CTC1: variants seen among roughly 807,000 people sequenced by gnomAD.
The protein encoded by CTC1 is CST complex subunit CTC1.
Under a neutral mutation model 136.3 loss-of-function variants are expected in CTC1, and 91 were observed. The observed-to-expected ratio is 0.67, with a 90% confidence interval of 0.56 to 0.79. The LOEUF (loss-of-function observed/expected upper bound fraction) is 0.79. CTC1 is among the 30% of genes least tolerant of loss of function. The pLI is 0.00. For synonymous variants in CTC1, 606 were observed against 613.8 expected (o/e 0.99, Z 0.19); for missense variants, 1,432 against 1,498.1 (o/e 0.96, Z 0.73).
chr17:8,237,517 T>C lies in CTC1; in HGVS notation c.650A>G (p.Asn217Ser). 1 of 1,613,758 alleles carries C rather than the reference T, an allele frequency of 6.2e-7. No homozygotes were observed. Among genetic ancestry groups the C allele is most frequent in the Non-Finnish European group, 8.5e-7 (1 of 1,179,906 alleles). ...ESASCLLRLR[N>S]KLRGVQRNLA... ...GTTTCGCTGCACACCTCTGAGCTTGTTTCTAAGAAGGAAGAAAAAGCCCTG... is the reference window on the plus strand; with the variant it reads ...GTTTCGCTGCACACCTCTGAGCTTGCTTCTAAGAAGGAAGAAAAAGCCCTG... Residue 217 changes from asparagine (N) to serine (S), a missense_variant and splice_region_variant, in exon 5 of 23, where the codon AAC becomes AGC. Physicochemically the swap from Asn to Ser is conservative, Grantham distance 46. Transcript: ENST00000651323.
At chr17:8,243,773 T>C (rs537195963) in intron 1 of CTC1, among the ~76,000 whole-genome samples, 3 of 151,972 alleles carry the variant, frequency 2.0e-5, no homozygotes, top group Non-Finnish European at 4.4e-5. Context: ...TTTAAACCGT[T>C]CATAAAGAAC....
In CTC1 at chr17:8,234,851, T is replaced by C. The variant is rs759341353; in HGVS notation, c.1515A>G (p.Gln505=). The C allele has an allele frequency of 5.6e-6, 9 of 1,612,774 alleles. No individual in the cohort carries two copies. Among genetic ancestry groups the C allele is most frequent in the Non-Finnish European group, 5.1e-6 (6 of 1,179,552 alleles). ...GAAGATCCAGGGTAGGAGCCAGGAGTTGCAGTCCCAGGCTGGGGCTCCCAG... is the reference window on the plus strand; with the variant it reads ...GAAGATCCAGGGTAGGAGCCAGGAGCTGCAGTCCCAGGCTGGGGCTCCCAG... The part of the protein sequence containing the change: ...SSPGSPSLGL[Q]LLAPTLDLLA... The change falls in exon 9 of 23, where the codon CAA becomes CAG. Residue 505 remains glutamine (Q), a synonymous_variant. Coordinates refer to ENST00000651323, the MANE Select transcript of CTC1 (RefSeq NM_025099.6).
intron 1 of CTC1, among the ~76,000 whole-genome samples, chr17:8,244,696 T>C (rs952316704): frequency 1.2e-4 from 18 of 152,106 alleles, no homozygotes; most frequent in African/African-American, 4.3e-4. Context: ...CAGCTAATTT[T>C]TTATATTTTT....
In CTC1 at chr17:8,232,995, C is replaced by A. The variant is rs1987375790; in HGVS notation, c.1856G>T (p.Gly619Val). ...ACTTTGGTCCCGAAGTTGCAGACAA[C>A]CTTTATGAGATGAAGCCACCAGAAC... ...LGVLVASSHK[G>V]CLQLRDQSGS... Residue 619 changes from glycine to valine, a missense_variant, in exon 11 of 23, where the codon GGT (glycine) becomes GTT (valine). Coordinates refer to ENST00000651323, the MANE Select transcript of CTC1 (RefSeq NM_025099.6). 1 of 1,614,102 alleles carries A rather than the reference C, an allele frequency of 6.2e-7. No homozygotes were observed.
At chr17:8,233,903 C>T (rs931724193) in intron 10 of CTC1, among the ~76,000 whole-genome samples, 3 of 152,222 alleles carry the variant, frequency 2.0e-5, no homozygotes, top group African/African-American at 7.2e-5. Flanking sequence ...CGCCAATGCA[C>T]TCTAGCCTGG....
intron 18 of CTC1, 55 bp from the exon 19 acceptor site, chr17:8,229,501 G>A: frequency 5.9e-6 from 9 of 1,532,682 alleles, no homozygotes; most frequent in South Asian, 1.2e-5. Context: ...ACAGGCAAAG[G>A]GGTTCTGAAA....
Position 8,228,758 on chromosome 17 carries a change from A to T in CTC1, c.3356T>A (p.Leu1119Ter), listed in dbSNP as rs1986947163. 6.2e-7 allele frequency: 1 copy of T among 1,614,010 alleles called. No individual in the cohort carries two copies. Residue 1119 changes from leucine (L) to a stop codon, truncating the protein, a stop_gained, in exon 21 of 23, where the codon TTG (leucine) becomes TAG (stop). Transcript: ENST00000651323. LOFTEE classifies it high-confidence loss of function. ...TTGGGCTCCAGGCCCTGCAAACTGC[A>T]AGACCACTCTGCCTGGCACTTGGAC... ...DFVQVPGRVV[L>*]QFAGPGAQLE...
chr17:8,243,385 G>A (rs1454946369), intron 1 of CTC1, among the ~76,000 whole-genome samples: 1 of 152,072 alleles, frequency 6.6e-6, no homozygotes, highest in African/African-American at 2.4e-5. Context: ...TGGGGGTGGT[G>A]GTGCACACCT....
At chr17:8,246,479 T>C (rs1252415995) in intron 1 of CTC1, among the ~76,000 whole-genome samples, 1 of 152,210 alleles carries the variant, frequency 6.6e-6, no homozygotes, top group Non-Finnish European at 1.5e-5. Context: ...CCTGTCCTTT[T>C]CTAGAACTCT....
At position 8,238,424 on chromosome 17, in the gene CTC1, CAT is replaced by C. The variant is rs1987930285; in HGVS notation, c.401_402del (p.Tyr134CysfsTer4). 3.7e-6 allele frequency: 6 copies of C among 1,614,092 alleles called. No individual in the cohort carries two copies. Among genetic ancestry groups the C allele is most frequent in the East Asian group, 2.2e-5 (1 of 44,898 alleles). Reference sequence around the variant, plus strand: ...CTCAGGACGCCAGTGTTATCTCTCACATAGAGGCTTCCGTTCCTGCACTCTTG... The same window carrying C: ...CTCAGGACGCCAGTGTTATCTCTCACAGAGGCTTCCGTTCCTGCACTCTTG... Reference protein sequence around the residue: ...LEQECRNGSLYVRDNTGVLSC... With the variant: ...LEQECRNGSLXVRDNTGVLSC... On this transcript the variant is annotated frameshift_variant, in exon 3 of 23. Coordinates refer to ENST00000651323, the MANE Select transcript of CTC1 (RefSeq NM_025099.6). LOFTEE classifies it high-confidence loss of function.
At chr17:8,244,825 C>G (rs1421475067) in intron 1 of CTC1, among the ~76,000 whole-genome samples, 3 of 152,180 alleles carry the variant, frequency 2.0e-5, no homozygotes, top group Non-Finnish European at 4.4e-5. Flanking sequence ...CCACGCCTGG[C>G]CTTTCACATT....
chr17:8,246,964 T>A (rs1011435577), intron 1 of CTC1, among the ~76,000 whole-genome samples: 1 of 132,960 alleles, frequency 7.5e-6, no homozygotes, highest in African/African-American at 3.0e-5. Context: ...TTTCTTAACA[T>A]CTTATTTATT....
intron 10 of CTC1, among the ~76,000 whole-genome samples, chr17:8,233,814 G>A (rs568117367): frequency 4.6e-5 from 7 of 151,166 alleles, no homozygotes; most frequent in Non-Finnish European, 8.8e-5. Context: ...GTGAACGCCC[G>A]TAGTCTCAGC....
chr17:8,226,336 C>G lies in CTC1; in HGVS notation c.*1844G>C, dbSNP rs3027252. 2 of 152,170 alleles carry G rather than the reference C, an allele frequency of 1.3e-5. No individual in the cohort carries two copies. The highest frequency in any genetic ancestry group is 6.5e-5 in the Admixed American group (1 of 15,272). The allele number at this position is 152,170 out of a possible 1,614,324, so 9.4% of individuals were successfully genotyped here. A position where few individuals can be genotyped will look rare whatever the true frequency, so the allele number is the denominator to read the frequency against. On this transcript the variant is annotated 3_prime_UTR_variant, in exon 23 of 23. Coordinates refer to ENST00000651323, the MANE Select transcript of CTC1 (RefSeq NM_025099.6). ...AGCTGCCATAAAGGTTCCTGAAATT[C>G]ATCTACAAGAATATAGAGCTAGGAA...
Position 8,226,677 on chromosome 17 carries a change from C to T in CTC1, c.*1503G>A, listed in dbSNP as rs1468555536. 1 of 152,220 alleles carries T rather than the reference C, an allele frequency of 6.6e-6. No individual in the cohort carries two copies. Among genetic ancestry groups the T allele is most frequent in the Admixed American group, 6.5e-5 (1 of 15,280 alleles). 9.4% of individuals were successfully genotyped at this position (152,220 alleles called of 1,614,324 possible). A position where few individuals can be genotyped will look rare whatever the true frequency, so the allele number is the denominator to read the frequency against. On this transcript the variant is annotated 3_prime_UTR_variant, in exon 23 of 23. Transcript: ENST00000651323. ...GATTTCTAGTCCATCGCCTTAACCACTCGGCCACGACTACGAGGCTTAGGG... is the reference window on the plus strand; with the variant it reads ...GATTTCTAGTCCATCGCCTTAACCATTCGGCCACGACTACGAGGCTTAGGG...
Position 8,244,750 on chromosome 17 carries a change from C to T in CTC1, c.34-1602G>A, listed in dbSNP as rs538245042. Among the ~76,000 whole-genome samples the T allele has an allele frequency of 5.9e-5, 9 of 152,212 alleles. No individual in the cohort carries two copies. The East Asian group carries it at 1.5e-3, about 26-fold the overall frequency. On this transcript the variant is annotated intron_variant, in intron 1 of 22. Transcript: ENST00000651323. ...CCATGTTGGCCAAGCTAGTTTCGAA[C>T]TCCTGAACTCAAGTGATCCGCCCGC...
intron 15 of CTC1, 90 bp downstream of exon 15, chr17:8,231,186 G>T: frequency 2.9e-6 from 3 of 1,021,416 alleles, no homozygotes; most frequent in Non-Finnish European, 4.3e-6. Flanking sequence ...AATACCTCCT[G>T]CAGCAGAAAA....
In CTC1 at chr17:8,238,380, C is replaced by T. The variant is rs1246653256; in HGVS notation, c.435+12G>A. 1.7e-5 allele frequency: 27 copies of T among 1,609,308 alleles called. No individual in the cohort carries two copies. The highest frequency in any genetic ancestry group is 2.2e-5 in the Non-Finnish European group (26 of 1,176,170). On this transcript the variant is annotated intron_variant, in intron 3 of 22. Transcript: ENST00000651323. Reference sequence around the variant, plus strand: ...CAGGATCTGAGGCATCTGATCTCCACCTTCCACTCACCTCACAGCTCAGGA... The same window carrying T: ...CAGGATCTGAGGCATCTGATCTCCATCTTCCACTCACCTCACAGCTCAGGA...
chr17:8,238,517 T>C lies in CTC1; in HGVS notation c.310A>G (p.Asn104Asp). ...AACAGCTGCTCTCGGGGCAGGGGGT[T>C]CCCATTTGGTCCAGCCTCTTGGGCC... ...AWAQEAGPNG[N>D]PLPREQLLLL... Residue 104 changes from asparagine (N) to aspartate (D), a missense_variant, in exon 3 of 23, where the codon AAC (asparagine) becomes GAC (aspartate). By Grantham distance (23) the Asn-to-Asp change is conservative. Coordinates refer to ENST00000651323, the MANE Select transcript of CTC1 (RefSeq NM_025099.6). The C allele has an allele frequency of 6.2e-7, 1 of 1,614,172 alleles. No homozygotes were observed. The highest frequency in any genetic ancestry group is 1.3e-5 in the African/African-American group (1 of 75,054).
Sources: gnomAD v4.1 joint callset for allele counts (sites outside exome capture counted in the v4.1 genomes callset) on GRCh38, gnomAD v4.1.1 for gene constraint, MANE v1.5 for transcripts, NCBI Gene and HGNC (gene_info 2026-07-23, HGNC 2026-07-21) for gene names.